The following CPT1A variants were observed in gnomAD, a reference collection of about 807,000 sequenced individuals.
The protein encoded by CPT1A is carnitine palmitoyltransferase 1A.
CPT1A carries 64 observed loss-of-function variants against 100.8 expected under a neutral mutation model. The observed-to-expected ratio is 0.63, with a 90% CI of 0.52 to 0.78. The LOEUF is 0.78. Among genes scored for constraint, CPT1A ranks in the 30% least tolerant of loss-of-function variants. The pLI is 0.00. For synonymous variants in CPT1A, 363 were observed against 396.0 expected (o/e 0.92, Z 0.99); for missense variants, 802 against 1,034.1 (o/e 0.78, Z 3.08).
At chr11:68,807,710 C>T in intron 3 of CPT1A, 72 bp from the exon 4 acceptor site, 1 of 1,452,600 alleles carries the variant, frequency 6.9e-7, no homozygotes, top group Middle Eastern at 1.8e-4. Context: ...ACCGGTGACG[C>T]CACAGACACC....
Position 68,757,314 on chromosome 11 carries a change from A to C in CPT1A, c.*330T>G. 1 of 1,206,006 alleles carries C rather than the reference A, an allele frequency of 8.3e-7. No individual in the cohort carries two copies. The highest frequency in any genetic ancestry group is 1.9e-5 in the South Asian group (1 of 52,510). 74.7% of individuals were successfully genotyped at this position (1,206,006 alleles called of 1,614,324 possible). A position where few individuals can be genotyped will look rare whatever the true frequency, so the allele number is the denominator to read the frequency against. On this transcript the variant is annotated 3_prime_UTR_variant, in exon 19 of 19. Coordinates refer to ENST00000265641, the MANE Select transcript of CPT1A (RefSeq NM_001876.4). The stretch of plus-strand genomic sequence containing the variant: ...GCCACTGAGAAAGCACACCATTTCC[A>C]TTCCACTGTGTGTGAAGCCACAACC...
intron 9 of CPT1A, among the ~76,000 whole-genome samples, chr11:68,788,220 A>C (rs1034635464): frequency 5.9e-5 from 9 of 152,176 alleles, no homozygotes; most frequent in African/African-American, 2.2e-4. Context: ...CAAAACAATA[A>C]AAGTGCTTAG....
chr11:68,792,323 C>T (rs1395606428), intron 9 of CPT1A, among the ~76,000 whole-genome samples: 3 of 151,768 alleles, frequency 2.0e-5, no homozygotes, highest in African/African-American at 4.8e-5. Flanking sequence ...GGCAACAGAG[C>T]GAGACTCCCT....
intron 4 of CPT1A, among the ~76,000 whole-genome samples, 177 bp from the exon 5 acceptor site, chr11:68,804,278 A>C (rs1855986514): frequency 6.6e-6 from 1 of 152,204 alleles, no homozygotes; most frequent in Non-Finnish European, 1.5e-5. Context: ...CGTGCGCACA[A>C]TGTGCCAACC....
At chr11:68,767,978 C>T (rs1407436981) in intron 14 of CPT1A, among the ~76,000 whole-genome samples, 1 of 151,808 alleles carries the variant, frequency 6.6e-6, no homozygotes, top group Admixed American at 6.6e-5. Context: ...AAGGCACAGG[C>T]CTGTCTCCCA....
At chr11:68,811,999 A>G (rs1194460811) in intron 3 of CPT1A, among the ~76,000 whole-genome samples, 1 of 152,190 alleles carries the variant, frequency 6.6e-6, no homozygotes, top group African/African-American at 2.4e-5. Flanking sequence ...TAAGTGGGTG[A>G]GGTCCCTGCA....
chr11:68,782,822 G>T (rs757529144), intron 10 of CPT1A, among the ~76,000 whole-genome samples: 18 of 152,200 alleles, frequency 1.2e-4, no homozygotes, highest in Non-Finnish European at 2.2e-4. Context: ...CCCGCTCGGG[G>T]AACAAAGGTG....
At chr11:68,828,252 C>T (rs1361011725) in intron 1 of CPT1A, among the ~76,000 whole-genome samples, 1 of 152,240 alleles carries the variant, frequency 6.6e-6, no homozygotes, top group African/African-American at 2.4e-5. Flanking sequence ...CGTCTGAGTG[C>T]CCTGCCCACC....
chr11:68,833,225 G>T (rs746077971), intron 1 of CPT1A, among the ~76,000 whole-genome samples: 3 of 152,198 alleles, frequency 2.0e-5, no homozygotes, highest in Non-Finnish European at 4.4e-5. Context: ...AGCCCAGGGG[G>T]TTCCCTAGAA....
intron 3 of CPT1A, among the ~76,000 whole-genome samples, chr11:68,809,022 TAAGA>T (rs1210758506): frequency 7.0e-6 from 1 of 143,268 alleles, no homozygotes; most frequent in Non-Finnish European, 1.5e-5. Flanking sequence ...TTCTTCAAAA[TAAGA>T]AATAAAAAAA....
rs556739935 is a variant in CPT1A at position 68,758,403 on chromosome 11, G to T, written c.2236-673C>A. Among the ~76,000 whole-genome samples, 5 of 152,342 alleles carry T rather than the reference G, an allele frequency of 3.3e-5. No homozygotes were observed. The South Asian group carries it at 1.0e-3, about 32-fold the overall frequency. ...AAAGCAGAATATAAATAAGGGCAATGTGCCATGCTAGGGAGGAGGTCCCTT... is the reference window on the plus strand; with the variant it reads ...AAAGCAGAATATAAATAAGGGCAATTTGCCATGCTAGGGAGGAGGTCCCTT... On this transcript the variant is annotated intron_variant, in intron 18 of 18. Coordinates refer to ENST00000265641, the MANE Select transcript of CPT1A (RefSeq NM_001876.4).
At chr11:68,754,811 T>C, downstream of CPT1A, 1 of 781,082 alleles carries the variant, frequency 1.3e-6, no homozygotes, top group East Asian at 2.4e-5. Context: ...ACTTTCCACT[T>C]TGTCTCAAGT....
At chr11:68,830,368 C>T (rs1370806587) in intron 1 of CPT1A, among the ~76,000 whole-genome samples, 1 of 152,282 alleles carries the variant, frequency 6.6e-6, no homozygotes, top group East Asian at 1.9e-4. Flanking sequence ...TCACACAGAC[C>T]TCCTTGCCCG....
rs1345824895 is a variant in CPT1A at position 68,838,571 on chromosome 11, TTAA to T, written c.-14+3201_-14+3203del. On this transcript the variant is annotated intron_variant, in intron 1 of 18. Coordinates refer to ENST00000265641, the MANE Select transcript of CPT1A (RefSeq NM_001876.4). ...GACTCTACTCTGTATCTGCACCTTT[TTAA>T]AAAAAAAAAAAAAAAAACAGAGACA... 6.7e-5 allele frequency among the ~76,000 whole-genome samples: 5 copies of T among 74,236 alleles called. 1 individual carries two copies. The South Asian group carries it at 1.4e-3, about 21-fold the overall frequency. 48.7% of individuals were successfully genotyped at this position (74,236 alleles called of 152,430 possible).
At chr11:68,831,805 G>A (rs1168995573) in intron 1 of CPT1A, among the ~76,000 whole-genome samples, 3 of 151,804 alleles carry the variant, frequency 2.0e-5, no homozygotes, top group Non-Finnish European at 2.9e-5. Flanking sequence ...GGCTAATTTT[G>A]TATTTTTAGT....
chr11:68,809,691 C>T (rs1255320107), intron 3 of CPT1A, among the ~76,000 whole-genome samples: 2 of 152,132 alleles, frequency 1.3e-5, no homozygotes, highest in Non-Finnish European at 2.9e-5. Flanking sequence ...AGGAAATGGC[C>T]CATGAGGCTG....
At chr11:68,826,876 T>G (rs1392011591) in intron 1 of CPT1A, among the ~76,000 whole-genome samples, 1 of 152,130 alleles carries the variant, frequency 6.6e-6, no homozygotes, top group Non-Finnish European at 1.5e-5. Context: ...TACAGGTGGC[T>G]AACCTCACCT....
Position 68,757,712 on chromosome 11 carries a change from T to C in CPT1A, c.2254A>G (p.Arg752Gly). ...TCAGTCATTGCTTCTTTCAGGTGCC[T>C]TCCAAAGCGATGAGAATCCTTTCAT... Reference protein sequence around the residue: ...CPETDSHRFGRHLKEAMTDII... With the variant: ...CPETDSHRFGGHLKEAMTDII... The change falls in exon 19 of 19, where the codon AGG (arginine) becomes GGG (glycine). Residue 752 changes from arginine (R) to glycine (G), a missense_variant. Arg to Gly is a moderately radical substitution (Grantham distance 125). Around this residue, in one of 4 missense-constraint regions of CPT1A, gnomAD observed 627 missense variants for 799.3 expected, o/e 0.78. Transcript: ENST00000265641. 6.2e-7 allele frequency: 1 copy of C among 1,614,074 alleles called. No individual in the cohort carries two copies. Among genetic ancestry groups the C allele is most frequent in the South Asian group, 1.1e-5 (1 of 91,080 alleles).
chr11:68,797,129 CT>C (rs1456537826), intron 6 of CPT1A, among the ~76,000 whole-genome samples, 196 bp from the exon 7 acceptor site: 1 of 152,104 alleles, frequency 6.6e-6, no homozygotes. Flanking sequence ...GAAAAGTGTT[CT>C]TTTTAAGTTG....
Sources: allele counts gnomAD v4.1 joint callset (sites outside exome capture counted in the v4.1 genomes callset), GRCh38; gene constraint gnomAD v4.1.1; regional missense constraint gnomAD v4.1.1; transcripts MANE v1.5; gene names NCBI Gene and HGNC (gene_info 2026-07-23, HGNC 2026-07-21).